The following LAYN variants were observed in gnomAD, a reference collection of about 807,000 sequenced individuals.
The protein encoded by LAYN is layilin.
Under a neutral mutation model 43.6 loss-of-function variants are expected in LAYN, and 38 were observed. The observed-to-expected ratio is 0.87, with a 90% confidence interval of 0.67 to 1.14. The LOEUF (loss-of-function observed/expected upper bound fraction) is 1.14. LAYN is among the 50% of genes most tolerant of loss of function. LAYN has a pLI of 0.00. For missense variants in LAYN, 479 were observed against 463.8 expected (o/e 1.03, Z -0.30); for synonymous variants, 168 against 172.9 (o/e 0.97, Z 0.22).
At position 111,544,011 on chromosome 11, in the gene LAYN, AGC is replaced by A. The variant is rs749415260; in HGVS notation, c.175_176del (p.Ala59GlnfsTer17). On this transcript the variant is annotated frameshift_variant, in exon 2 of 7. Transcript: ENST00000375614. LOFTEE classifies it high-confidence loss of function. ...DTSRRLNFEE[A>X]KEACRRDGGQ... ...CTTCTCGAAGACTGAACTTTGAGGAAGCCAAAGAAGCCTGCAGGAGGGATGGA... is the reference window on the plus strand; with the variant it reads ...CTTCTCGAAGACTGAACTTTGAGGAACAAAGAAGCCTGCAGGAGGGATGGA... 6.2e-7 allele frequency: 1 copy of A among 1,614,224 alleles called. No individual in the cohort carries two copies. Among genetic ancestry groups the A allele is most frequent in the South Asian group, 1.1e-5 (1 of 91,084 alleles).
intron 1 of LAYN, chr11:111,541,220 G>A: frequency 1.7e-6 from 1 of 592,456 alleles, no homozygotes; most frequent in Admixed American, 3.0e-5. Flanking sequence ...GTGGGGCAGT[G>A]GGCAAACCTG....
Position 111,544,229 on chromosome 11 carries a change from G to A in LAYN, c.383+9G>A. 1 of 1,605,450 alleles carries A rather than the reference G, an allele frequency of 6.2e-7. No individual in the cohort carries two copies. The highest frequency in any genetic ancestry group is 1.7e-5 in the Admixed American group (1 of 59,130). ...AGCATATCACAATTTAGGTAAGTGT[G>A]TGGAACCCACAGCTGCTGACTCACT... On this transcript the variant is annotated intron_variant, in intron 2 of 6. Coordinates refer to ENST00000375614, the MANE Select transcript of LAYN (RefSeq NM_178834.5).
intron 6 of LAYN, among the ~76,000 whole-genome samples, chr11:111,559,581 C>G (rs957323493): frequency 2.0e-5 from 3 of 152,078 alleles, no homozygotes; most frequent in Admixed American, 2.0e-4. Flanking sequence ...ACCTCAGCCT[C>G]CCAACTAGCT....
rs760454342 is a variant in LAYN at position 111,549,734 on chromosome 11, G to A, written c.500G>A (p.Arg167Gln). Residue 167 changes from arginine (R) to glutamine (Q), a missense_variant, in exon 3 of 7, where the codon CGG (arginine) becomes CAG (glutamine). Physicochemically the swap from Arg to Gln is conservative, Grantham distance 43. Coordinates refer to ENST00000375614, the MANE Select transcript of LAYN (RefSeq NM_178834.5). The part of the protein sequence containing the change: ...GPYMFQWNDD[R>Q]CNMKNNFICK... ...TACATGTTCCAGTGGAATGATGACCGGTGCAACATGAAGAACAATTTCATT... is the reference window on the plus strand; with the variant it reads ...TACATGTTCCAGTGGAATGATGACCAGTGCAACATGAAGAACAATTTCATT... The A allele has an allele frequency of 1.1e-5, 17 of 1,605,542 alleles. No homozygotes were observed. Among genetic ancestry groups the A allele is most frequent in the East Asian group, 9.1e-5 (4 of 44,172 alleles).
At position 111,541,074 on chromosome 11, in the gene LAYN, G is replaced by T. The variant is rs1482659279; in HGVS notation, c.85+146G>T. The T allele has an allele frequency of 1.2e-5, 9 of 743,958 alleles. No individual in the cohort carries two copies. The Admixed American group carries it at 1.9e-4, about 16-fold the overall frequency. The allele number at this position is 743,958 out of a possible 1,614,324, so 46.1% of individuals were successfully genotyped here. On this transcript the variant is annotated intron_variant, in intron 1 of 6. Transcript: ENST00000375614. ...CAGACGCAGCCCTTCGGAGTCTCTT[G>T]CGTTCTGGGGGCAGTCGCACGGCGT...
chr11:111,546,998 G>T (rs529517276), intron 2 of LAYN, among the ~76,000 whole-genome samples: 21 of 152,230 alleles, frequency 1.4e-4, no homozygotes, highest in Middle Eastern at 3.4e-3. Flanking sequence ...TGGCAAATCT[G>T]CTTGCACACA....
rs755256416 is a variant in LAYN, at chr11:111,549,824, A to G, written c.541+49A>G. The G allele has an allele frequency of 3.2e-6, 5 of 1,551,496 alleles. No individual in the cohort carries two copies. In the South Asian group the frequency reaches 6.2e-5, roughly 19 times the overall value. On this transcript the variant is annotated intron_variant, in intron 3 of 6. Transcript: ENST00000375614. The stretch of plus-strand genomic sequence containing the variant: ...TGCGGCTGAATTCTCAACTTCTCTC[A>G]TTTCATGAGCTGCTGCTAGTACCAA...
At chr11:111,559,778 T>C (rs201992064) in intron 6 of LAYN, among the ~76,000 whole-genome samples, 2 of 152,028 alleles carry the variant, frequency 1.3e-5, no homozygotes, top group East Asian at 3.9e-4. Flanking sequence ...TTTTGTTTTT[T>C]TGGGTTTTTT....
chr11:111,555,212 G>A lies in LAYN; in HGVS notation c.580G>A (p.Glu194Lys), dbSNP rs779520039. ...AVPSREAEGE[E>K]TELTTPVLPE... ...GTCCATGTGTCTCTCTCCAGGTGAG[G>A]AAACAGAGCTGACAACACCTGTACT... Residue 194 changes from glutamate to lysine, a missense_variant, in exon 5 of 7, where the codon GAA (glutamate) becomes AAA (lysine). Transcript: ENST00000375614. 1.9e-6 allele frequency: 3 copies of A among 1,612,944 alleles called. No homozygotes were observed. In the Admixed American group the frequency reaches 5.0e-5, roughly 27 times the overall value.
chr11:111,559,081 C>T (rs1350091517), intron 6 of LAYN, among the ~76,000 whole-genome samples: 3 of 152,044 alleles, frequency 2.0e-5, no homozygotes, highest in Non-Finnish European at 4.4e-5. Context: ...CCACCACACC[C>T]GGCCCAGTAC....
At chr11:111,543,883 T>C (rs1242465435) in intron 1 of LAYN, 40 bp from the exon 2 acceptor site, 1 of 1,563,768 alleles carries the variant, frequency 6.4e-7, no homozygotes, top group Admixed American at 2.0e-5. Flanking sequence ...CCGGTATACT[T>C]TTTGAGACAC....
At chr11:111,540,496 A>T, upstream of LAYN, 1 of 375,296 alleles carries the variant, frequency 2.7e-6, no homozygotes, top group Non-Finnish European at 4.8e-6. Context: ...TCCTCCGCCC[A>T]GCGCCTCGGG....
chr11:111,543,402 C>T (rs552036155), intron 1 of LAYN, among the ~76,000 whole-genome samples: 2 of 152,154 alleles, frequency 1.3e-5, no homozygotes, highest in Non-Finnish European at 1.5e-5. Flanking sequence ...CAGAAAACCC[C>T]GTGGATCTGA....
chr11:111,557,560 C>T lies in LAYN; in HGVS notation c.678C>T (p.Ala226=), dbSNP rs1867868759. 3 of 1,613,922 alleles carry T rather than the reference C, an allele frequency of 1.9e-6. No individual in the cohort carries two copies. The highest frequency in any genetic ancestry group is 2.5e-6 in the Non-Finnish European group (3 of 1,179,896). Residue 226 remains alanine (A), a synonymous_variant, in exon 6 of 7, where the codon GCC becomes GCT. Coordinates refer to ENST00000375614, the MANE Select transcript of LAYN (RefSeq NM_178834.5). ...TTTCAGAAGCTGCCTTGAATCTGGC[C>T]TACATCCTAATCCCCAGCATTCCCC... ...KESREAALNL[A]YILIPSIPLL... is the part of the protein sequence containing the mutation.
Position 111,544,221 on chromosome 11 carries a change from G to T in LAYN, c.383+1G>T. Reference sequence around the variant, plus strand: ...CTGATGGCAGCATATCACAATTTAGGTAAGTGTGTGGAACCCACAGCTGCT... The same window carrying T: ...CTGATGGCAGCATATCACAATTTAGTTAAGTGTGTGGAACCCACAGCTGCT... On this transcript the variant is annotated splice_donor_variant, in intron 2 of 6. Coordinates refer to ENST00000375614, the MANE Select transcript of LAYN (RefSeq NM_178834.5). LOFTEE classifies it high-confidence loss of function. 1.9e-6 allele frequency: 3 copies of T among 1,609,716 alleles called. No homozygotes were observed. Among genetic ancestry groups the T allele is most frequent in the Non-Finnish European group, 2.5e-6 (3 of 1,177,756 alleles).
intron 1 of LAYN, 76 bp from the exon 2 acceptor site, chr11:111,543,846 CT>C (rs1867592312): frequency 1.4e-6 from 2 of 1,414,746 alleles, no homozygotes; most frequent in South Asian, 1.4e-5. Context: ...GGATACCTTC[CT>C]TTGGATGCCT....
chr11:111,555,136 A>AAATGAGGTCTT, intron 4 of LAYN, 71 bp from the exon 5 acceptor site: 1 of 1,134,990 alleles, frequency 8.8e-7, no homozygotes, highest in Non-Finnish European at 1.3e-6. Flanking sequence ...CAATTTGAAC[A>AAATGAGGTCTT]TGGTAGGACC....
At chr11:111,556,674 G>C (rs1565273966) in intron 5 of LAYN, among the ~76,000 whole-genome samples, 1 of 152,184 alleles carries the variant, frequency 6.6e-6, no homozygotes, top group African/African-American at 2.4e-5. Context: ...ATTGCTCATT[G>C]TTATTATGGT....
At position 111,555,257 on chromosome 11, in the gene LAYN, G is replaced by C. The variant is rs377683088; in HGVS notation, c.625G>C (p.Glu209Gln). The change falls in exon 5 of 7, where the codon GAA becomes CAA. Residue 209 changes from glutamate to glutamine, a missense_variant. Transcript: ENST00000375614. ...TPVLPEETQE[E>Q]DAKKTFKESR... ...TGTACTTCCAGAAGAAACACAGGAA[G>C]AAGATGCCAAAAAAACATTTAAAGA... The C allele has an allele frequency of 1.2e-5, 20 of 1,613,858 alleles. 1 individual carries two copies. In the Admixed American group the frequency reaches 3.0e-4, roughly 24 times the overall value.
Sources: allele counts gnomAD v4.1 joint callset (sites outside exome capture counted in the v4.1 genomes callset), GRCh38; gene constraint gnomAD v4.1.1; transcripts MANE v1.5; gene names NCBI Gene and HGNC (gene_info 2026-07-23, HGNC 2026-07-21).